The following SCFD1 variants were observed in gnomAD, a reference collection of about 807,000 sequenced individuals.
SCFD1 encodes the protein sec1 family domain containing 1, also known as sec1 family domain-containing protein 1.
A neutral mutation model predicts 103.2 loss-of-function variants in SCFD1; 37 were observed. The observed-to-expected ratio is 0.36, with a 90% CI of 0.28 to 0.47. The LOEUF (loss-of-function observed/expected upper bound fraction) is 0.47, where lower values mean the gene tolerates loss of function less well. Among genes scored for constraint, SCFD1 ranks in the 20% least tolerant of loss-of-function variants. SCFD1 has a pLI of 1.00. For synonymous variants in SCFD1, 264 were observed against 245.0 expected, an observed-to-expected ratio of 1.08 and a Z score of -0.73; for missense variants, 639 against 761.2, an observed-to-expected ratio of 0.84 and a Z score of 1.89.
At chr14:30,694,508 TAA>T (rs947666596) in intron 14 of SCFD1, among the ~76,000 whole-genome samples, 1 of 147,430 alleles carries the variant, frequency 6.8e-6, no homozygotes. Context: ...CCCATCTCTA[TAA>T]AAAAAAAATA....
chr14:30,644,992 T>C (rs1192200457), intron 7 of SCFD1, among the ~76,000 whole-genome samples: 3 of 152,156 alleles, frequency 2.0e-5, no homozygotes, highest in African/African-American at 7.2e-5. Flanking sequence ...TTAATCCATT[T>C]TGAGTTTATT....
chr14:30,698,274 A>C (rs1890834871), intron 15 of SCFD1, among the ~76,000 whole-genome samples: 1 of 152,240 alleles, frequency 6.6e-6, no homozygotes, highest in African/African-American at 2.4e-5. Context: ...TAGAATAATC[A>C]TAGTTGTAAA....
At chr14:30,684,760 A>C (rs1383002051) in intron 14 of SCFD1, among the ~76,000 whole-genome samples, 1 of 106,846 alleles carries the variant, frequency 9.4e-6, no homozygotes, top group Non-Finnish European at 1.9e-5. Context: ...TTTTTAAAAT[A>C]TATTTAAAGT....
At chr14:30,670,125 A>G in intron 10 of SCFD1, 131 bp from the exon 11 acceptor site, 1 of 695,964 alleles carries the variant, frequency 1.4e-6, no homozygotes, top group Non-Finnish European at 2.4e-6. Flanking sequence ...TGTATGTAAC[A>G]AAAGATTGGG....
rs1001055857 is a variant in SCFD1 at position 30,667,096 on chromosome 14, C to A, written c.856-3160C>A. ...CTGATACCAAAGCCTGGCAGAGACA[C>A]AACAAAAAACGAGAATTTTAGACCA... On this transcript the variant is annotated intron_variant, in intron 10 of 24. Transcript: ENST00000458591. 3.9e-5 allele frequency among the ~76,000 whole-genome samples: 6 copies of A among 152,046 alleles called. No individual in the cohort carries two copies. In the South Asian group the frequency reaches 8.3e-4, roughly 21 times the overall value.
At chr14:30,706,125 TTATC>T (rs1388484019) in intron 18 of SCFD1, among the ~76,000 whole-genome samples, 2 of 152,190 alleles carry the variant, frequency 1.3e-5, no homozygotes, top group Admixed American at 6.5e-5. Flanking sequence ...CCATGTGTAA[TTATC>T]CAATCAGAGT....
intron 1 of SCFD1, among the ~76,000 whole-genome samples, chr14:30,624,810 A>G (rs983703137): frequency 1.3e-5 from 2 of 151,868 alleles, no homozygotes; most frequent in Non-Finnish European, 2.9e-5. Context: ...TTTGGACCTC[A>G]CTCCCTATTT....
intron 14 of SCFD1, among the ~76,000 whole-genome samples, chr14:30,677,488 A>C (rs17097075): frequency 6.6e-6 from 1 of 152,118 alleles, no homozygotes; most frequent in Non-Finnish European, 1.5e-5. Flanking sequence ...AAGAAGCCCA[A>C]TTAAAAATCA....
chr14:30,708,144 T>C, intron 19 of SCFD1, 79 bp downstream of exon 19: 2 of 880,546 alleles, frequency 2.3e-6, no homozygotes, highest in Non-Finnish European at 3.8e-6. Context: ...GTAAAGCAAC[T>C]CCTGGATTTA....
chr14:30,639,993 T>C (rs1011913563), intron 6 of SCFD1, 129 bp downstream of exon 6: 146 of 1,071,150 alleles, frequency 1.4e-4, no homozygotes, highest in Non-Finnish European at 1.8e-4. Context: ...TAGAAGCTTT[T>C]TAAAAGCACA....
intron 23 of SCFD1, among the ~76,000 whole-genome samples, chr14:30,729,787 G>T (rs1344499224): frequency 6.6e-6 from 1 of 152,066 alleles, no homozygotes; most frequent in Non-Finnish European, 1.5e-5. Context: ...ATGAATAGGG[G>T]ATGTTTTCCT....
intron 3 of SCFD1, among the ~76,000 whole-genome samples, 160 bp from the exon 4 acceptor site, chr14:30,633,787 A>G (rs545236599): frequency 1.3e-5 from 2 of 152,190 alleles, no homozygotes; most frequent in South Asian, 2.1e-4. Context: ...AATAATAACA[A>G]CACTGACATG....
In SCFD1 at chr14:30,643,410, G is replaced by A. The variant is rs1413316247; in HGVS notation, c.613+5G>A. The A allele has an allele frequency of 6.4e-7, 1 of 1,574,702 alleles. No homozygotes were observed. The highest frequency in any genetic ancestry group is 8.7e-7 in the Non-Finnish European group (1 of 1,144,460). ...TCTGCTTTTTTGTTACTCTGGGTAA[G>A]TTTTCCAGTCTTTCTGGTTATTCTT... On this transcript the variant is annotated splice_donor_5th_base_variant and intron_variant, in intron 7 of 24. Coordinates refer to ENST00000458591, the MANE Select transcript of SCFD1 (RefSeq NM_016106.4).
intron 23 of SCFD1, among the ~76,000 whole-genome samples, chr14:30,729,384 G>A (rs1893281966): frequency 6.6e-6 from 1 of 152,076 alleles, no homozygotes; most frequent in African/African-American, 2.4e-5. Context: ...TTTAAAATAT[G>A]GTATGAAGAT....
intron 23 of SCFD1, among the ~76,000 whole-genome samples, chr14:30,728,443 T>C (rs758338811): frequency 3.9e-5 from 6 of 152,196 alleles, no homozygotes; most frequent in Non-Finnish European, 7.3e-5. Flanking sequence ...CTAATAATGT[T>C]AAAGGTGATT....
chr14:30,649,559 A>T lies in SCFD1; in HGVS notation c.645A>T (p.Gly215=), dbSNP rs1434194031. Residue 215 remains glycine (G), a synonymous_variant, in exon 8 of 25, where the codon GGA becomes GGT. Transcript: ENST00000458591. The stretch of plus-strand genomic sequence containing the variant: ...TTCCTATAATCAGATGTTCAAGAGG[A>T]ACAGCAGCAGAAATGGTAGCAGTGG... ...GAVPIIRCSR[G]TAAEMVAVKL... is the part of the protein sequence containing the mutation. 6.4e-7 allele frequency: 1 copy of T among 1,574,676 alleles called. No individual in the cohort carries two copies. The highest frequency in any genetic ancestry group is 1.4e-5 in the African/African-American group (1 of 71,672).
intron 14 of SCFD1, among the ~76,000 whole-genome samples, chr14:30,677,360 A>G (rs772222450): frequency 2.6e-5 from 4 of 152,086 alleles, no homozygotes; most frequent in Non-Finnish European, 5.9e-5. Flanking sequence ...TTATCTTGCT[A>G]ATGATCCTTT....
chr14:30,694,985 A>G lies in SCFD1; in HGVS notation c.1339+116A>G, dbSNP rs1415713931. On this transcript the variant is annotated intron_variant, in intron 15 of 24. Coordinates refer to ENST00000458591, the MANE Select transcript of SCFD1 (RefSeq NM_016106.4). ...TTTCTGACAGTCAATGCTAATATCA[A>G]GATAATTAAATGAGCTATTTTCTGG... 4 of 1,469,834 alleles carry G rather than the reference A, an allele frequency of 2.7e-6. No homozygotes were observed. In the African/African-American group the frequency reaches 4.4e-5, roughly 16 times the overall value. 91.0% of individuals were successfully genotyped at this position (1,469,834 alleles called of 1,614,324 possible).
intron 23 of SCFD1, chr14:30,734,576 A>G (rs557665026): frequency 5.8e-6 from 3 of 518,890 alleles, no homozygotes; most frequent in South Asian, 2.2e-5. Flanking sequence ...GCCATAGTAT[A>G]TATTTTGGGG....
Sources: allele counts gnomAD v4.1 joint callset (sites outside exome capture counted in the v4.1 genomes callset), GRCh38; gene constraint gnomAD v4.1.1; transcripts MANE v1.5; gene names NCBI Gene and HGNC (gene_info 2026-07-23, HGNC 2026-07-21).